GPC6: variants seen among roughly 807,000 people sequenced by gnomAD.
The protein encoded by GPC6 is glypican-6.
In GPC6, 14 loss-of-function variants were observed where a neutral mutation model predicts 55.2. The ratio of observed to expected loss-of-function variants is 0.25; its 90% confidence interval spans 0.17 to 0.40. The LOEUF (loss-of-function observed/expected upper bound fraction) is 0.40. GPC6 is among the 10% of genes least tolerant of loss of function. The probability of loss-of-function intolerance (pLI) is 1.00; values close to 1 mark genes in which losing one functional copy is unlikely to be tolerated. For missense variants in GPC6, 641 were observed against 708.5 expected (o/e 0.90, Z 1.08); for synonymous variants, 278 against 259.6 (o/e 1.07, Z -0.68).
chr13:93,769,444 A>AT (rs1467918540), intron 2 of GPC6, among the ~76,000 whole-genome samples: 1 of 151,618 alleles, frequency 6.6e-6, no homozygotes. Flanking sequence ...AAAAAAAAAA[A>AT]AAAAGACAGC....
At chr13:94,217,181 A>C (rs1890251424) in intron 4 of GPC6, among the ~76,000 whole-genome samples, 1 of 152,220 alleles carries the variant, frequency 6.6e-6, no homozygotes, top group Admixed American at 6.6e-5. Flanking sequence ...ACAGAATAAC[A>C]AGTGGGAAAC....
chr13:93,232,076 T>A lies in GPC6; in HGVS notation c.160+4460T>A, dbSNP rs1876080969. Among the ~76,000 whole-genome samples the A allele has an allele frequency of 2.0e-5, 3 of 150,628 alleles. No individual in the cohort carries two copies. In the Admixed American group the frequency reaches 2.0e-4, roughly 10 times the overall value. ...TGCTCCCCCGGCAAACCAACTAATTTAATACATTTACAATTTACACAACTT... is the reference window on the plus strand; with the variant it reads ...TGCTCCCCCGGCAAACCAACTAATTAAATACATTTACAATTTACACAACTT... On this transcript the variant is annotated intron_variant, in intron 1 of 8. Transcript: ENST00000377047.
chr13:93,346,263 A>T (rs1410023186), intron 1 of GPC6, among the ~76,000 whole-genome samples: 1 of 152,180 alleles, frequency 6.6e-6, no homozygotes, highest in Non-Finnish European at 1.5e-5. Flanking sequence ...TAAGCATCTA[A>T]TCTGAGTGAT....
intron 1 of GPC6, among the ~76,000 whole-genome samples, chr13:93,476,318 G>A (rs1030899378): frequency 1.8e-4 from 27 of 151,994 alleles, no homozygotes; most frequent in South Asian, 4.2e-4. Context: ...GTGTGCATGC[G>A]CGCAACTAAA....
At chr13:94,402,432 A>C (rs7984899) in intron 8 of GPC6, among the ~76,000 whole-genome samples, 36,812 of 151,966 alleles carry the variant, frequency 0.24, 4,676 homozygotes, top group Admixed American at 0.29. Context: ...GTATCAGTTG[A>C]TATTGTTCTT....
At chr13:93,645,294 A>G (rs963440107) in intron 2 of GPC6, among the ~76,000 whole-genome samples, 1 of 151,446 alleles carries the variant, frequency 6.6e-6, no homozygotes, top group African/African-American at 2.4e-5. Context: ...CCAATGTTTT[A>G]AATAGACATA....
chr13:93,593,395 TC>T (rs1877577413), intron 2 of GPC6, among the ~76,000 whole-genome samples: 1 of 152,122 alleles, frequency 6.6e-6, no homozygotes, highest in Non-Finnish European at 1.5e-5. Context: ...AATATTGGGA[TC>T]ATGATGTCAC....
chr13:93,956,588 C>G lies in GPC6; in HGVS notation c.712-71141C>G, dbSNP rs1033195393. 1.7e-4 allele frequency among the ~76,000 whole-genome samples: 26 copies of G among 152,270 alleles called. 1 individual carries two copies. The highest frequency in any genetic ancestry group is 6.3e-4 in the African/African-American group (26 of 41,558). On this transcript the variant is annotated intron_variant, in intron 3 of 8. Coordinates refer to ENST00000377047, the MANE Select transcript of GPC6 (RefSeq NM_005708.5). ...ACAGCCTGCTCTTTCCACTTTCGCC[C>G]CAATCCTAAATGGAGATGACACCAT... is the stretch of plus-strand genomic sequence containing the variant.
chr13:93,450,135 C>T (rs181194834), intron 1 of GPC6, among the ~76,000 whole-genome samples: 27 of 152,232 alleles, frequency 1.8e-4, no homozygotes, highest in Non-Finnish European at 3.5e-4. Context: ...TTGTTTTATC[C>T]ACCACTGGAG....
At chr13:93,904,810 T>A (rs1029698675) in intron 3 of GPC6, among the ~76,000 whole-genome samples, 3 of 152,070 alleles carry the variant, frequency 2.0e-5, no homozygotes, top group African/African-American at 7.2e-5. Flanking sequence ...AGTTTTAGGG[T>A]ACGTGTGCAC....
intron 1 of GPC6, among the ~76,000 whole-genome samples, chr13:93,231,372 T>TAC (rs1876025363): frequency 5.8e-5 from 1 of 17,192 alleles, no homozygotes; most frequent in African/African-American, 3.2e-4. Flanking sequence ...TATATATATA[T>TAC]ATATATACAT....
chr13:94,200,888 C>T (rs574370429), intron 4 of GPC6, among the ~76,000 whole-genome samples: 5 of 152,226 alleles, frequency 3.3e-5, no homozygotes, highest in South Asian at 2.1e-4. Context: ...CAGAGGAGAG[C>T]GGAGTCCAAG....
intron 4 of GPC6, among the ~76,000 whole-genome samples, chr13:94,229,481 T>G (rs1890655326): frequency 6.6e-6 from 1 of 152,194 alleles, no homozygotes; most frequent in East Asian, 1.9e-4. Context: ...AATAACCACT[T>G]GAAACGTGTA....
chr13:93,726,915 T>C (rs1165351594), intron 2 of GPC6, among the ~76,000 whole-genome samples: 1 of 152,116 alleles, frequency 6.6e-6, no homozygotes, highest in African/African-American at 2.4e-5. Flanking sequence ...CTCCCTGAAA[T>C]TATTTTCTTG....
At chr13:93,217,220 T>C in the GPC6 span, among the ~76,000 whole-genome samples, 1 of 152,358 alleles carries the variant, frequency 6.6e-6, no homozygotes, top group African/African-American at 2.4e-5. Context: ...AGTAAAATCA[T>C]TATGAACATA....
chr13:93,813,078 A>G (rs1045622818), intron 2 of GPC6, among the ~76,000 whole-genome samples: 2 of 152,152 alleles, frequency 1.3e-5, no homozygotes, highest in Non-Finnish European at 2.9e-5. Flanking sequence ...GTGAGCTGAC[A>G]TTTCCCCTGC....
chr13:93,374,922 A>G (rs1461818819), intron 1 of GPC6, among the ~76,000 whole-genome samples: 1 of 152,174 alleles, frequency 6.6e-6, no homozygotes, highest in Non-Finnish European at 1.5e-5. Flanking sequence ...GACATGAATC[A>G]TGTTATAATG....
At chr13:93,613,381 G>A (rs765659197) in intron 2 of GPC6, among the ~76,000 whole-genome samples, 4 of 152,092 alleles carry the variant, frequency 2.6e-5, no homozygotes, top group Admixed American at 6.6e-5. Context: ...ATTGGACGTA[G>A]GTAGCTGAGA....
intron 3 of GPC6, among the ~76,000 whole-genome samples, chr13:94,022,890 C>T (rs773958429): frequency 1.3e-5 from 2 of 151,884 alleles, no homozygotes; most frequent in African/African-American, 2.4e-5. Flanking sequence ...CTTCATAAGT[C>T]CTTGATAAAA....
Sources: allele counts gnomAD v4.1 joint callset (sites outside exome capture counted in the v4.1 genomes callset), GRCh38; gene constraint gnomAD v4.1.1; transcripts MANE v1.5; gene names NCBI Gene and HGNC (gene_info 2026-07-23, HGNC 2026-07-21).